The following ARHGAP29 variants were observed in gnomAD, a reference collection of about 807,000 sequenced individuals.
ARHGAP29 encodes rho GTPase-activating protein 29.
ARHGAP29 carries 43 observed loss-of-function variants against 122.6 expected under a neutral mutation model. The ratio of observed to expected loss-of-function variants is 0.35; its 90% confidence interval spans 0.27 to 0.45. The LOEUF (loss-of-function observed/expected upper bound fraction) is 0.45, where lower values mean the gene tolerates loss of function less well. ARHGAP29 is among the 20% of genes least tolerant of loss of function. The pLI is 1.00. For synonymous variants in ARHGAP29, 506 were observed against 497.1 expected (o/e 1.02, Z -0.24); for missense variants, 1,303 against 1,477.2 (o/e 0.88, Z 1.93).
At chr1:94,217,772 T>C (rs1652035634) in intron 3 of ARHGAP29, among the ~76,000 whole-genome samples, 1 of 151,974 alleles carries the variant, frequency 6.6e-6, no homozygotes, top group African/African-American at 2.4e-5. Context: ...TTGCTTGCGT[T>C]CCGGAGTTTA....
intron 3 of ARHGAP29, among the ~76,000 whole-genome samples, chr1:94,213,218 C>G (rs539009941): frequency 6.6e-6 from 1 of 152,134 alleles, no homozygotes; most frequent in Non-Finnish European, 1.5e-5. Flanking sequence ...CTCGCTCTGT[C>G]GCCCAGGCTG....
Position 94,202,682 on chromosome 1 carries a change from A to C in ARHGAP29, c.1005T>G (p.Arg335=). The C allele has an allele frequency of 1.2e-6, 2 of 1,614,138 alleles. No individual in the cohort carries two copies. Among genetic ancestry groups the C allele is most frequent in the Admixed American group, 1.7e-5 (1 of 60,010 alleles). The change falls in exon 11 of 23, where the codon CGT becomes CGG. Residue 335 remains arginine (R), a synonymous_variant. Transcript: ENST00000260526. ...ACTTTGCTTTCTCATATTCATCTTG[A>C]CGTTGCATGCATAATAATTTTGCCT... ...LKKAKLLCMQ[R]QDEYEKAKSS...
chr1:94,226,262 T>G (rs560632065), intron 2 of ARHGAP29, among the ~76,000 whole-genome samples: 2 of 151,982 alleles, frequency 1.3e-5, no homozygotes, highest in East Asian at 3.9e-4. Context: ...AAGTGAAGCC[T>G]GAGAAACAGC....
intron 17 of ARHGAP29, 113 bp downstream of exon 17, chr1:94,185,228 TA>T: frequency 8.0e-7 from 1 of 1,242,696 alleles, no homozygotes; most frequent in Non-Finnish European, 1.1e-6. Flanking sequence ...AGGTGTACTG[TA>T]GTACAATTTA....
At chr1:94,221,594 T>C (rs1389603973) in intron 2 of ARHGAP29, among the ~76,000 whole-genome samples, 1 of 150,654 alleles carries the variant, frequency 6.6e-6, no homozygotes, top group African/African-American at 2.4e-5. Context: ...TGACTACATA[T>C]AGAAATATTT....
At chr1:94,265,080 G>T (rs1384049656) in intron 1 of ARHGAP29, among the ~76,000 whole-genome samples, 2 of 152,230 alleles carry the variant, frequency 1.3e-5, no homozygotes, top group African/African-American at 2.4e-5. Context: ...GGCCATGGCA[G>T]TTTGCCAGCT....
chr1:94,242,754 TA>T (rs1653648413), intron 1 of ARHGAP29, among the ~76,000 whole-genome samples: 1 of 151,246 alleles, frequency 6.6e-6, no homozygotes, highest in African/African-American at 2.4e-5. Context: ...AACAGCCCAA[TA>T]AAAAGGCAGA....
At chr1:94,212,664 T>C (rs914524863) in intron 3 of ARHGAP29, among the ~76,000 whole-genome samples, 4 of 152,208 alleles carry the variant, frequency 2.6e-5, no homozygotes, top group African/African-American at 9.7e-5. Context: ...AGAATAATTA[T>C]TGAACCAATT....
chr1:94,306,522 G>A, the ARHGAP29 span, among the ~76,000 whole-genome samples: 6 of 152,292 alleles, frequency 3.9e-5, no homozygotes, highest in East Asian at 7.7e-4. Flanking sequence ...AGGATTTTAT[G>A]TGAAGCTATA....
At chr1:94,308,639 A>G in the ARHGAP29 span, among the ~76,000 whole-genome samples, 1 of 152,120 alleles carries the variant, frequency 6.6e-6, no homozygotes, top group South Asian at 2.1e-4. Flanking sequence ...CACCATTTCA[A>G]ATCCTCCTGA....
intron 1 of ARHGAP29, among the ~76,000 whole-genome samples, chr1:94,246,192 G>A (rs1382533029): frequency 6.6e-6 from 1 of 152,176 alleles, no homozygotes; most frequent in Admixed American, 6.5e-5. Flanking sequence ...TTAAGCATCA[G>A]GGTTGCTTAC....
intron 12 of ARHGAP29, among the ~76,000 whole-genome samples, chr1:94,199,149 G>C (rs1220931900): frequency 6.6e-6 from 1 of 152,088 alleles, no homozygotes; most frequent in Admixed American, 6.6e-5. Context: ...TAAATGATGA[G>C]TTGATGGGTG....
chr1:94,178,654 G>T (rs935689517), intron 20 of ARHGAP29, among the ~76,000 whole-genome samples: 1 of 152,000 alleles, frequency 6.6e-6, no homozygotes, highest in African/African-American at 2.4e-5. Flanking sequence ...TGTAATAAAG[G>T]CCTCCTCTCC....
Position 94,177,600 on chromosome 1 carries a change from A to T in ARHGAP29, c.2905+12T>A. The T allele has an allele frequency of 2.5e-6, 4 of 1,571,424 alleles. No individual in the cohort carries two copies. In the Admixed American group the frequency reaches 5.7e-5, roughly 23 times the overall value. ...GCCAGCAAACATATTTTTTTTTTAC[A>T]TGGCTACTCACCACTGAGACATGCA... On this transcript the variant is annotated intron_variant, in intron 22 of 22. Coordinates refer to ENST00000260526, the MANE Select transcript of ARHGAP29 (RefSeq NM_004815.4).
In ARHGAP29 at chr1:94,170,233, A is replaced by C. The variant is rs1168905850; in HGVS notation, c.*3636T>G. The stretch of plus-strand genomic sequence containing the variant: ...GTGACCAAAATTAATACTATCAGGT[A>C]TAAGACAAATTGACATTGTGTGCAT... On this transcript the variant is annotated 3_prime_UTR_variant, in exon 23 of 23. Coordinates refer to ENST00000260526, the MANE Select transcript of ARHGAP29 (RefSeq NM_004815.4). Among the ~76,000 whole-genome samples, 1 of 152,240 alleles carries C rather than the reference A, an allele frequency of 6.6e-6. No homozygotes were observed. Among genetic ancestry groups the C allele is most frequent in the Admixed American group, 6.5e-5 (1 of 15,286 alleles).
chr1:94,210,738 A>G (rs1651539599), intron 3 of ARHGAP29, among the ~76,000 whole-genome samples: 1 of 152,180 alleles, frequency 6.6e-6, no homozygotes, highest in Non-Finnish European at 1.5e-5. Flanking sequence ...AAGACACTCA[A>G]ATAAAATATA....
At chr1:94,304,464 TC>T in the ARHGAP29 span, among the ~76,000 whole-genome samples, 12 of 152,188 alleles carry the variant, frequency 7.9e-5, no homozygotes, top group Non-Finnish European at 1.6e-4. Flanking sequence ...GATGCTCAAC[TC>T]AAGACTCAGC....
the ARHGAP29 span, among the ~76,000 whole-genome samples, chr1:94,289,009 T>G: frequency 6.6e-6 from 1 of 152,194 alleles, no homozygotes; most frequent in African/African-American, 2.4e-5. Flanking sequence ...TTTAAGTAGT[T>G]TTTCCAATTA....
rs371323950 is a variant in ARHGAP29, at chr1:94,258,693, C to T, written c.-33+16319G>A. Among the ~76,000 whole-genome samples, 131 of 152,298 alleles carry T rather than the reference C, an allele frequency of 8.6e-4. 1 individual carries two copies. The Middle Eastern group carries it at 0.01, about 12-fold the overall frequency. ...AGGCCTTAGTAATGATTATAACTAG[C>T]GCTTCCTATGTAGTAAGGTCTTACA... On this transcript the variant is annotated intron_variant and NMD_transcript_variant, in intron 1 of 25. Transcript: ENST00000552844.
Sources: gnomAD v4.1 joint callset for allele counts (sites outside exome capture counted in the v4.1 genomes callset) on GRCh38, gnomAD v4.1.1 for gene constraint, MANE v1.5 for transcripts, NCBI Gene and HGNC (gene_info 2026-07-23, HGNC 2026-07-21) for gene names.